Variants in ELAPOR2 observed in about 807,000 individuals in gnomAD.
The protein encoded by ELAPOR2 is endosome/lysosome-associated apoptosis and autophagy regulator family member 2.
In ELAPOR2, 89 loss-of-function variants were observed where a neutral mutation model predicts 120.7. That is an observed-to-expected ratio of 0.74 (90% CI 0.62 to 0.88). The LOEUF is 0.88. ELAPOR2 is among the 40% of genes least tolerant of loss of function. ELAPOR2 has a pLI of 0.00. For synonymous variants in ELAPOR2, 444 were observed against 444.9 expected, an observed-to-expected ratio of 1.00 and a Z score of 0.03; for missense variants, 1,134 against 1,251.6, an observed-to-expected ratio of 0.91 and a Z score of 1.42.
chr7:86,911,855 C>T (rs1449604334), intron 15 of ELAPOR2: 7 of 591,882 alleles, frequency 1.2e-5, no homozygotes, highest in South Asian at 2.0e-5. Context: ...CAACTGACTG[C>T]ATAAGTGATT....
chr7:87,031,564 A>G (rs1794423559), intron 1 of ELAPOR2, among the ~76,000 whole-genome samples: 1 of 152,214 alleles, frequency 6.6e-6, no homozygotes, highest in Non-Finnish European at 1.5e-5. Flanking sequence ...ATCAAGATTT[A>G]TCAGAACAGC....
At chr7:87,019,456 G>T (rs79053183) in intron 1 of ELAPOR2, among the ~76,000 whole-genome samples, 2,579 of 152,210 alleles carry the variant, frequency 0.017, 75 homozygotes, top group African/African-American at 0.058. Context: ...GAGCCACGAT[G>T]CCCAGCCCAT....
At position 86,924,216 on chromosome 7, in the gene ELAPOR2, A is replaced by T. The variant is rs114854161; in HGVS notation, c.1399+1312T>A. 9.3e-3 allele frequency among the ~76,000 whole-genome samples: 1,413 copies of T among 152,222 alleles called. 27 individuals carry two copies. The highest frequency in any genetic ancestry group is 0.033 in the African/African-American group (1,367 of 41,566). On this transcript the variant is annotated intron_variant, in intron 10 of 21. Coordinates refer to ENST00000450689, the MANE Select transcript of ELAPOR2 (RefSeq NM_001142749.3). ...TGCAGAGATTTATACTTTTCATTTA[A>T]TCATTGATCATTACTGAAAACTAAG...
chr7:86,897,695 C>G, intron 18 of ELAPOR2, 63 bp from the exon 19 acceptor site: 1 of 1,577,674 alleles, frequency 6.3e-7, no homozygotes, highest in Non-Finnish European at 8.7e-7. Flanking sequence ...TCAATCCACT[C>G]TAATCAACAC....
chr7:86,985,290 T>A (rs749567142), intron 1 of ELAPOR2, among the ~76,000 whole-genome samples: 2 of 152,230 alleles, frequency 1.3e-5, no homozygotes, highest in Non-Finnish European at 2.9e-5. Context: ...CCATTCCTTC[T>A]GAAACTATTC....
At chr7:86,985,746 C>T (rs1007000480) in intron 1 of ELAPOR2, among the ~76,000 whole-genome samples, 2 of 152,012 alleles carry the variant, frequency 1.3e-5, no homozygotes, top group South Asian at 4.2e-4. Flanking sequence ...ATACATGTGC[C>T]ATGTTGGTGT....
At chr7:87,054,805 C>G (rs930396719) in intron 1 of ELAPOR2, among the ~76,000 whole-genome samples, 26 of 152,206 alleles carry the variant, frequency 1.7e-4, no homozygotes, top group Non-Finnish European at 2.6e-4. Flanking sequence ...GTGCTGAGCA[C>G]CAGTGACCTA....
At chr7:87,041,156 T>C (rs548924299) in intron 1 of ELAPOR2, among the ~76,000 whole-genome samples, 1 of 152,218 alleles carries the variant, frequency 6.6e-6, no homozygotes, top group South Asian at 2.1e-4. Context: ...CTGAAAGGGA[T>C]GGGCAGAATG....
intron 1 of ELAPOR2, among the ~76,000 whole-genome samples, chr7:87,012,213 C>G (rs1212155891): frequency 2.6e-5 from 4 of 152,108 alleles, no homozygotes; most frequent in African/African-American, 9.7e-5. Context: ...AGATTGAGAC[C>G]ATCCTGGCCA....
At chr7:87,039,578 C>T (rs1383478042) in intron 1 of ELAPOR2, among the ~76,000 whole-genome samples, 1 of 152,050 alleles carries the variant, frequency 6.6e-6, no homozygotes, top group East Asian at 1.9e-4. Context: ...GAGATTTATC[C>T]CTGGGATGCA....
chr7:86,987,134 G>A (rs1363852510), intron 1 of ELAPOR2, among the ~76,000 whole-genome samples: 1 of 152,096 alleles, frequency 6.6e-6, no homozygotes, highest in Non-Finnish European at 1.5e-5. Context: ...GGGAAAACTG[G>A]GTAGTCATAT....
At chr7:86,931,952 T>G (rs1326175064) in intron 8 of ELAPOR2, among the ~76,000 whole-genome samples, 1 of 151,936 alleles carries the variant, frequency 6.6e-6, no homozygotes, top group Admixed American at 6.6e-5. Context: ...CTTTGGGAAC[T>G]GATCTGTGTG....
At chr7:86,894,129 ACT>A (rs1310595429) in intron 19 of ELAPOR2, among the ~76,000 whole-genome samples, 2 of 151,976 alleles carry the variant, frequency 1.3e-5, no homozygotes, top group African/African-American at 2.4e-5. Flanking sequence ...GGGACATGAG[ACT>A]CTTACTCACT....
intron 15 of ELAPOR2, among the ~76,000 whole-genome samples, chr7:86,910,744 C>T (rs955303920): frequency 1.3e-5 from 2 of 151,878 alleles, no homozygotes; most frequent in Admixed American, 1.3e-4. Flanking sequence ...ATAATTTCTA[C>T]AAAGTAAATG....
intron 21 of ELAPOR2, among the ~76,000 whole-genome samples, chr7:86,886,887 C>T (rs536441903): frequency 6.6e-6 from 1 of 152,076 alleles, no homozygotes; most frequent in South Asian, 2.1e-4. Context: ...TGAGCTGAAG[C>T]CCAGTGGTAT....
intron 18 of ELAPOR2, among the ~76,000 whole-genome samples, chr7:86,900,591 C>T (rs1055927637): frequency 5.9e-5 from 9 of 152,144 alleles, no homozygotes; most frequent in African/African-American, 1.9e-4. Context: ...GGTGTCAAAA[C>T]ACTATAGTGC....
At position 87,048,438 on chromosome 7, in the gene ELAPOR2, T is replaced by C. The variant is rs139718872; in HGVS notation, c.189+10887A>G. The stretch of plus-strand genomic sequence containing the variant: ...GATCTAAAAATCAAAACAAGTGAAC[T>C]CATAGACAGAGAGATTAGAAGAACA... On this transcript the variant is annotated intron_variant, in intron 1 of 21. Transcript: ENST00000450689. 5.1e-4 allele frequency among the ~76,000 whole-genome samples: 78 copies of C among 152,126 alleles called. 1 individual carries two copies. Among genetic ancestry groups the C allele is most frequent in the African/African-American group, 1.8e-3 (73 of 41,504 alleles).
intron 1 of ELAPOR2, among the ~76,000 whole-genome samples, chr7:87,018,260 C>T (rs746870675): frequency 3.3e-5 from 5 of 151,916 alleles, no homozygotes; most frequent in Non-Finnish European, 5.9e-5. Context: ...AGGCTGTTCT[C>T]GAACTCCTGA....
At chr7:86,897,386 C>T (rs751968641) in intron 19 of ELAPOR2, 120 bp downstream of exon 19, 17 of 1,216,538 alleles carry the variant, frequency 1.4e-5, no homozygotes, top group Non-Finnish European at 1.7e-5. Context: ...AAATGCCTAC[C>T]AATGTAACAT....
Sources: allele counts gnomAD v4.1 joint callset (sites outside exome capture counted in the v4.1 genomes callset), GRCh38; gene constraint gnomAD v4.1.1; transcripts MANE v1.5; gene names NCBI Gene and HGNC (gene_info 2026-07-23, HGNC 2026-07-21).